Variants in FBXO38 observed in about 807,000 individuals in gnomAD.
FBXO38 encodes F-box only protein 38.
In FBXO38, 53 loss-of-function variants were observed where a neutral mutation model predicts 131.9. The observed-to-expected ratio is 0.40, with a 90% CI of 0.32 to 0.51. FBXO38 has a LOEUF of 0.51. Ranked by LOEUF, FBXO38 falls within the 20% of genes least tolerant of loss-of-function variation. The probability of loss-of-function intolerance (pLI) is 0.53; values close to 1 mark genes in which losing one functional copy is unlikely to be tolerated. For missense variants in FBXO38, 1,076 were observed against 1,475.6 expected, an observed-to-expected ratio of 0.73 and a Z score of 4.44; for synonymous variants, 452 against 505.6, an observed-to-expected ratio of 0.89 and a Z score of 1.42.
At chr5:148,418,101 C>T (rs1159062315) in intron 12 of FBXO38, among the ~76,000 whole-genome samples, 1 of 152,164 alleles carries the variant, frequency 6.6e-6, no homozygotes, top group African/African-American at 2.4e-5. Context: ...GAACTCTCCA[C>T]TTTGGCTCTT....
intron 15 of FBXO38, among the ~76,000 whole-genome samples, chr5:148,429,620 A>G (rs565053968): frequency 3.9e-4 from 60 of 152,280 alleles, no homozygotes; most frequent in African/African-American, 1.3e-3. Context: ...TTGAAATTGC[A>G]TTCAATTGAT....
chr5:148,419,152 A>G (rs1753248965), intron 12 of FBXO38, among the ~76,000 whole-genome samples: 2 of 152,244 alleles, frequency 1.3e-5, no homozygotes, highest in South Asian at 4.1e-4. Flanking sequence ...TGTATAAAGC[A>G]TAATTGTATA....
chr5:148,427,725 A>G lies in FBXO38; in HGVS notation c.2431A>G (p.Thr811Ala). ...RACVVNGPDG[T>A]RSAFSFRTLP... is the part of the protein sequence containing the mutation. ...CTGTGTTGTGAATGGCCCGGATGGT[A>G]CGAGATCCGCCTTTTCCTTTAGGAC... Residue 811 changes from threonine to alanine, a missense_variant, in exon 15 of 22, where the codon ACG becomes GCG. Coordinates refer to ENST00000340253, the MANE Select transcript of FBXO38 (RefSeq NM_205836.3). 6.2e-7 allele frequency: 1 copy of G among 1,614,094 alleles called. No homozygotes were observed. Among genetic ancestry groups the G allele is most frequent in the East Asian group, 2.2e-5 (1 of 44,878 alleles).
intron 17 of FBXO38, 150 bp downstream of exon 17, chr5:148,433,887 C>T: frequency 2.1e-6 from 1 of 486,658 alleles, no homozygotes; most frequent in Non-Finnish European, 3.7e-6. Context: ...TTCTAGTTCT[C>T]AAATTATTAC....
At chr5:148,404,950 T>A (rs1752356459) in intron 6 of FBXO38, 128 bp downstream of exon 6, 1 of 782,764 alleles carries the variant, frequency 1.3e-6, no homozygotes, top group Non-Finnish European at 1.8e-6. Context: ...AACATATTCA[T>A]CTTGTGAAGA....
Position 148,433,702 on chromosome 5 carries a change from T to G in FBXO38, c.2822T>G (p.Val941Gly). 6.2e-7 allele frequency: 1 copy of G among 1,611,230 alleles called. No individual in the cohort carries two copies. The highest frequency in any genetic ancestry group is 2.2e-5 in the East Asian group (1 of 44,848). ...TMTNCGITDL[V>G]LKDCPKMMFI... ...ACCAATTGTGGAATCACAGATCTAG[T>G]GCTAAAAGACTGTCCAAAGATGATG... Residue 941 changes from valine (V) to glycine (G), a missense_variant, in exon 17 of 22, where the codon GTG becomes GGG. By Grantham distance (109) the Val-to-Gly change is moderately radical. Transcript: ENST00000340253.
Position 148,427,702 on chromosome 5 carries a change from G to C in FBXO38, c.2408G>C (p.Cys803Ser), listed in dbSNP as rs751259675. ...DEERPSTSRA[C>S]VVNGPDGTRS... is the part of the protein sequence containing the mutation. ...GAACGTCCTTCAACCAGCCGAGCCT[G>C]TGTTGTGAATGGCCCGGATGGTACG... Residue 803 changes from cysteine to serine, a missense_variant, in exon 15 of 22, where the codon TGT (cysteine) becomes TCT (serine). Around this residue, in one of 8 missense-constraint regions of FBXO38, gnomAD observed 213 missense variants for 225.2 expected, o/e 0.95. Coordinates refer to ENST00000340253, the MANE Select transcript of FBXO38 (RefSeq NM_205836.3). 2 of 1,614,218 alleles carry C rather than the reference G, an allele frequency of 1.2e-6. No individual in the cohort carries two copies. The highest frequency in any genetic ancestry group is 1.7e-6 in the Non-Finnish European group (2 of 1,180,030).
chr5:148,414,201 A>G lies in FBXO38; in HGVS notation c.1159A>G (p.Ile387Val), dbSNP rs1271122205. ...TGATGTGGTAGAAAATCCTGGTATC[A>G]TCACTGATATAGGGATGAAAGCAGT... ...LADVVENPGI[I>V]TDIGMKAVNE... The change falls in exon 10 of 22, where the codon ATC becomes GTC. Residue 387 changes from isoleucine to valine, a missense_variant. Transcript: ENST00000340253. 24 of 1,612,920 alleles carry G rather than the reference A, an allele frequency of 1.5e-5. No individual in the cohort carries two copies. Among genetic ancestry groups the G allele is most frequent in the Non-Finnish European group, 2.0e-5 (24 of 1,179,524 alleles).
rs114708155 is a variant in FBXO38 at position 148,404,227 on chromosome 5, C to G, written c.593-458C>G. Among the ~76,000 whole-genome samples the G allele has an allele frequency of 8.1e-3, 1,235 of 152,212 alleles. 21 individuals are homozygous for G. The highest frequency in any genetic ancestry group is 0.028 in the African/African-American group (1,182 of 41,516). On this transcript the variant is annotated intron_variant, in intron 5 of 21. Transcript: ENST00000340253. Reference sequence around the variant, plus strand: ...CAGATATCTATTTGCATATTTAAACCCATCTAGCTGACTTTGCTCTGAGAA... The same window carrying G: ...CAGATATCTATTTGCATATTTAAACGCATCTAGCTGACTTTGCTCTGAGAA...
At chr5:148,408,991 A>G (rs1049421856) in intron 7 of FBXO38, 133 bp from the exon 8 acceptor site, 5 of 560,786 alleles carry the variant, frequency 8.9e-6, no homozygotes, top group African/African-American at 5.6e-5. Context: ...ATTAATTTCA[A>G]TGCAAAAACA....
Position 148,402,410 on chromosome 5 carries a change from T to C in FBXO38, c.489T>C (p.His163=). 1 of 1,613,402 alleles carries C rather than the reference T, an allele frequency of 6.2e-7. No homozygotes were observed. Among genetic ancestry groups the C allele is most frequent in the Non-Finnish European group, 8.5e-7 (1 of 1,179,478 alleles). ...TTTGGACATATATGCCCCATGTTCATATTTTGGGGAAATTTCGTAATCGTA... is the reference window on the plus strand; with the variant it reads ...TTTGGACATATATGCCCCATGTTCACATTTTGGGGAAATTTCGTAATCGTA... ...ESIWTYMPHV[H]ILGKFRNRNG... The change falls in exon 5 of 22, where the codon CAT becomes CAC. Residue 163 remains histidine (H), a synonymous_variant. Transcript: ENST00000340253.
intron 7 of FBXO38, among the ~76,000 whole-genome samples, chr5:148,406,766 G>A (rs1752467721): frequency 6.6e-6 from 1 of 151,914 alleles, no homozygotes; most frequent in African/African-American, 2.4e-5. Context: ...AAAAAATTTA[G>A]GCATTAATAA....
At chr5:148,415,480 T>G (rs1752999556) in intron 10 of FBXO38, 1 of 157,680 alleles carries the variant, frequency 6.3e-6, no homozygotes, top group African/African-American at 2.4e-5. Flanking sequence ...TGATTTATAT[T>G]ATACCAAAGG....
rs376515064 is a variant in FBXO38 at position 148,394,910 on chromosome 5, A to G, written c.128+6A>G. On this transcript the variant is annotated splice_donor_region_variant and intron_variant, in intron 2 of 21. Coordinates refer to ENST00000340253, the MANE Select transcript of FBXO38 (RefSeq NM_205836.3). ...GTACTTTGCCATATTTTTAGGTAAG[A>G]TTGTGTTTGGTTGGCTTACCTGCCT... 1.5e-5 allele frequency: 24 copies of G among 1,569,568 alleles called. No individual in the cohort carries two copies. The highest frequency in any genetic ancestry group is 2.1e-5 in the Non-Finnish European group (24 of 1,158,000).
intron 15 of FBXO38, among the ~76,000 whole-genome samples, chr5:148,431,722 G>A (rs1008067103): frequency 6.6e-6 from 1 of 152,316 alleles, no homozygotes; most frequent in East Asian, 1.9e-4. Context: ...TCATGTCAAT[G>A]AAGATTGTTT....
intron 17 of FBXO38, among the ~76,000 whole-genome samples, chr5:148,436,895 G>A (rs1007327085): frequency 6.6e-6 from 1 of 152,168 alleles, no homozygotes; most frequent in East Asian, 1.9e-4. Context: ...GAGAACACAG[G>A]CTCTTCAAAA....
At chr5:148,401,595 T>G (rs1177081250) in intron 3 of FBXO38, among the ~76,000 whole-genome samples, 1 of 152,152 alleles carries the variant, frequency 6.6e-6, no homozygotes, top group Non-Finnish European at 1.5e-5. Flanking sequence ...CTGAAGGTTT[T>G]ACAGACGAGA....
intron 2 of FBXO38, among the ~76,000 whole-genome samples, chr5:148,398,714 T>C (rs1751967159): frequency 2.0e-5 from 3 of 152,040 alleles, no homozygotes; most frequent in African/African-American, 7.2e-5. Flanking sequence ...TTTTCTGGTT[T>C]GTTTTTAGAT....
intron 12 of FBXO38, among the ~76,000 whole-genome samples, chr5:148,421,683 G>T (rs945954590): frequency 6.6e-6 from 1 of 151,996 alleles, no homozygotes; most frequent in Non-Finnish European, 1.5e-5. Flanking sequence ...TTCTGAAAAA[G>T]ATGTACTACC....
Sources: allele counts gnomAD v4.1 joint callset (sites outside exome capture counted in the v4.1 genomes callset), GRCh38; gene constraint gnomAD v4.1.1; regional missense constraint gnomAD v4.1.1; transcripts MANE v1.5; gene names NCBI Gene and HGNC (gene_info 2026-07-23, HGNC 2026-07-21).